Variants in CSNK1G1 observed in about 807,000 individuals in gnomAD.
CSNK1G1 encodes casein kinase 1 gamma 1, also known as casein kinase I isoform gamma-1.
Under a neutral mutation model 59.6 loss-of-function variants are expected in CSNK1G1, and 22 were observed. That is an observed-to-expected ratio of 0.37 (90% CI 0.26 to 0.53). CSNK1G1 has a LOEUF of 0.53. Among genes scored for constraint, CSNK1G1 ranks in the 20% least tolerant of loss-of-function variants. The pLI is 0.89. For missense variants in CSNK1G1, 384 were observed against 519.5 expected (o/e 0.74, Z 2.54); for synonymous variants, 179 against 177.1 (o/e 1.01, Z -0.08).
chr15:64,349,097 A>G (rs1255363563), intron 1 of CSNK1G1, among the ~76,000 whole-genome samples: 1 of 150,566 alleles, frequency 6.6e-6, no homozygotes, highest in Non-Finnish European at 1.5e-5. Context: ...AGATCACGCC[A>G]CTGTACTCCA....
At chr15:64,204,632 C>T in intron 8 of CSNK1G1, 43 bp from the exon 9 acceptor site, 1 of 1,595,206 alleles carries the variant, frequency 6.3e-7, no homozygotes, top group Non-Finnish European at 8.5e-7. Context: ...TAGCTGAATG[C>T]TTTCCATAGC....
intron 2 of CSNK1G1, among the ~76,000 whole-genome samples, chr15:64,292,958 C>G (rs1014571153): frequency 2.6e-5 from 4 of 151,984 alleles, no homozygotes; most frequent in Admixed American, 2.0e-4. Context: ...TATCATCTAT[C>G]TACTTATTCT....
Position 64,214,142 on chromosome 15 carries a change from G to T in CSNK1G1, c.445-18C>A, listed in dbSNP as rs184722823. 2.6e-6 allele frequency: 4 copies of T among 1,538,130 alleles called. No homozygotes were observed. Among genetic ancestry groups the T allele is most frequent in the Non-Finnish European group, 3.6e-6 (4 of 1,110,960 alleles). The stretch of plus-strand genomic sequence containing the variant: ...CGAGAAAGCTGAAAGAGAAACAAAT[G>T]ATAGAAAGACTGTAAAGAAGTATAT... On this transcript the variant is annotated intron_variant, in intron 5 of 11. Coordinates refer to ENST00000303052, the MANE Select transcript of CSNK1G1 (RefSeq NM_022048.5). This position sits in a 1 kb window ranked among gnomAD's most constrained non-coding sequence, Gnocchi z 4.3.
intron 10 of CSNK1G1, among the ~76,000 whole-genome samples, chr15:64,193,292 C>T (rs146494278): frequency 0.043 from 6,510 of 151,910 alleles, 156 homozygotes; most frequent in South Asian, 0.078. Context: ...AAGATTGAGA[C>T]CATCCTGGCC....
intron 4 of CSNK1G1, among the ~76,000 whole-genome samples, chr15:64,234,567 C>G (rs2082590239): frequency 6.6e-6 from 1 of 152,138 alleles, no homozygotes; most frequent in South Asian, 2.1e-4. Flanking sequence ...GGGGTACTCA[C>G]TGCCCTATGC....
chr15:64,273,126 A>G (rs973199523), intron 2 of CSNK1G1, among the ~76,000 whole-genome samples: 1 of 152,228 alleles, frequency 6.6e-6, no homozygotes. Context: ...TGCACTGTAT[A>G]TTTCAAGATA....
At chr15:64,343,661 A>T (rs1361619956) in intron 1 of CSNK1G1, among the ~76,000 whole-genome samples, 1 of 151,868 alleles carries the variant, frequency 6.6e-6, no homozygotes, top group Non-Finnish European at 1.5e-5. Context: ...TTTTTGCTTC[A>T]TTACATATCT....
intron 10 of CSNK1G1, chr15:64,189,439 G>A (rs1427763042): frequency 7.7e-7 from 1 of 1,292,200 alleles, no homozygotes; most frequent in South Asian, 1.3e-5. Flanking sequence ...AGATGGCTGA[G>A]TTGTTAACAT....
chr15:64,235,288 AGT>A (rs2082600483), intron 4 of CSNK1G1, among the ~76,000 whole-genome samples: 1 of 152,266 alleles, frequency 6.6e-6, no homozygotes, highest in Non-Finnish European at 1.5e-5. Context: ...CAATCAAAAC[AGT>A]GTTGACTAAG....
rs533890105 is a variant in CSNK1G1, at chr15:64,296,331, T to C, written c.181+3988A>G. Among the ~76,000 whole-genome samples the C allele has an allele frequency of 3.9e-5, 6 of 152,202 alleles. No homozygotes were observed. In the South Asian group the frequency reaches 1.0e-3, roughly 26 times the overall value. On this transcript the variant is annotated intron_variant, in intron 2 of 11. Transcript: ENST00000303052. ...AGACGAGGTTTTGCCACGTTGCTCA[T>C]GTTGGTATTGAAATCCTAAGCTCAA... is the stretch of plus-strand genomic sequence containing the variant.
chr15:64,297,506 C>T, intron 2 of CSNK1G1, among the ~76,000 whole-genome samples: 1 of 151,928 alleles, frequency 6.6e-6, no homozygotes, highest in Non-Finnish European at 1.5e-5. Context: ...GCCAGGAGTT[C>T]AAGACCAGCC....
chr15:64,270,286 A>G (rs1418596774), intron 2 of CSNK1G1, among the ~76,000 whole-genome samples: 1 of 151,318 alleles, frequency 6.6e-6, no homozygotes, highest in Non-Finnish European at 1.5e-5. Flanking sequence ...ATGGTTTTTC[A>G]TGTCTTAATT....
At chr15:64,195,432 T>G (rs2082026325) in intron 10 of CSNK1G1, among the ~76,000 whole-genome samples, 1 of 152,216 alleles carries the variant, frequency 6.6e-6, no homozygotes. Context: ...GGTGTAATGT[T>G]TATGTAGCAT....
At chr15:64,278,012 T>C (rs182091241) in intron 2 of CSNK1G1, among the ~76,000 whole-genome samples, 1,662 of 144,904 alleles carry the variant, frequency 0.011, 33 homozygotes, top group African/African-American at 0.041. Context: ...TTGATATATT[T>C]GAATAATATA....
chr15:64,254,089 T>C (rs780906706), intron 3 of CSNK1G1, among the ~76,000 whole-genome samples: 13 of 151,732 alleles, frequency 8.6e-5, no homozygotes, highest in Non-Finnish European at 1.5e-4. Context: ...GCAGCAAGCC[T>C]AGATCGCACC....
chr15:64,231,340 T>A (rs1021854747), intron 4 of CSNK1G1, among the ~76,000 whole-genome samples: 1 of 147,088 alleles, frequency 6.8e-6, no homozygotes, highest in Non-Finnish European at 1.5e-5. Flanking sequence ...TATATATATA[T>A]TATATATATA....
At chr15:64,253,172 T>C (rs117893846) in intron 3 of CSNK1G1, among the ~76,000 whole-genome samples, 6,516 of 152,124 alleles carry the variant, frequency 0.043, 154 homozygotes, top group South Asian at 0.079. Flanking sequence ...TAGGGAGACC[T>C]TGTCTCTACC....
chr15:64,300,666 T>G lies in CSNK1G1; in HGVS notation c.-167A>C. 7.8e-7 allele frequency: 1 copy of G among 1,286,328 alleles called. No homozygotes were observed. Among genetic ancestry groups the G allele is most frequent in the Non-Finnish European group, 9.8e-7 (1 of 1,015,300 alleles). 79.7% of individuals were successfully genotyped at this position (1,286,328 alleles called of 1,614,324 possible). ...TCTCCGGGAGATGAAAAACCATTTA[T>G]TTGTTCCCGTAGGAAATGTAGTCAC... On this transcript the variant is annotated 5_prime_UTR_variant, in exon 2 of 12. Transcript: ENST00000303052.
intron 8 of CSNK1G1, 119 bp downstream of exon 8, chr15:64,204,746 C>T: frequency 8.9e-7 from 1 of 1,129,888 alleles, no homozygotes; most frequent in Non-Finnish European, 1.3e-6. Context: ...CTACTTTGGT[C>T]TGTATCACAA....
Sources: allele counts gnomAD v4.1 joint callset (sites outside exome capture counted in the v4.1 genomes callset), GRCh38; gene constraint gnomAD v4.1.1; non-coding constraint Gnocchi (gnomAD v3.1); transcripts MANE v1.5; gene names NCBI Gene and HGNC (gene_info 2026-07-23, HGNC 2026-07-21).